The following DMD variants were observed in gnomAD, a reference collection of about 807,000 sequenced individuals.
DMD encodes mutant dystrophin.
A neutral mutation model predicts 330.1 loss-of-function variants in DMD; 63 were observed. The observed-to-expected ratio is 0.19, with a 90% CI of 0.16 to 0.24. The LOEUF (loss-of-function observed/expected upper bound fraction) is 0.24, where lower values mean the gene tolerates loss of function less well. Among genes scored for constraint, DMD ranks in the 10% least tolerant of loss-of-function variants. DMD has a pLI of 1.00. For missense variants in DMD, 3,344 were observed against 2,684.1 expected (o/e 1.25, Z -5.43); for synonymous variants, 1,223 against 959.8 (o/e 1.27, Z -5.07).
intron 18 of DMD, among the ~76,000 whole-genome samples, chrX:32,513,444 T>G (rs2148772905): frequency 8.9e-6 from 1 of 112,238 alleles, no homozygotes; most frequent in African/African-American, 3.2e-5. Context: ...GCCATGATAT[T>G]AGCTTTAATC....
chrX:31,214,930 C>CTTTTTTT lies in DMD; in HGVS notation c.9362-5232_9362-5231insAAAAAAA, dbSNP rs1302015325. On this transcript the variant is annotated intron_variant, in intron 64 of 78. Coordinates refer to ENST00000357033, the MANE Select transcript of DMD (RefSeq NM_004006.3). ...AACCACCAAAGATACTTTTTTATTT[C>CTTTTTTT]TTTTTTCTTTTTTTTTTTTTTTTTT... Among the ~76,000 whole-genome samples, 179 of 46,003 alleles carry CTTTTTTT rather than the reference C, an allele frequency of 3.9e-3. 1 individual carries two copies. Among genetic ancestry groups the CTTTTTTT allele is most frequent in the Non-Finnish European group, 4.9e-3 (126 of 25,656 alleles). 39.9% of individuals were successfully genotyped at this position (46,003 alleles called of 115,157 possible).
chrX:31,149,731 T>C (rs148844617), intron 74 of DMD, among the ~76,000 whole-genome samples: 3,219 of 111,923 alleles, frequency 0.029, 45 homozygotes, highest in Non-Finnish European at 0.045. Flanking sequence ...TCCTCCTTGG[T>C]ACCACTTTAA....
chrX:31,127,587 T>C (rs1056746326), intron 77 of DMD, among the ~76,000 whole-genome samples: 23 of 111,405 alleles, frequency 2.1e-4, no homozygotes, highest in African/African-American at 4.9e-4. Context: ...CAATCTTATA[T>C]GGAATTCCAA....
chrX:33,080,105 A>T (rs2094905273), intron 1 of DMD, among the ~76,000 whole-genome samples: 1 of 112,414 alleles, frequency 8.9e-6, no homozygotes, highest in African/African-American at 3.2e-5. Flanking sequence ...ATTCTCATAA[A>T]CTTTTTAGAA....
At chrX:31,470,306 G>A (rs962507703) in intron 59 of DMD, among the ~76,000 whole-genome samples, 1 of 111,277 alleles carries the variant, frequency 9.0e-6, no homozygotes, top group Admixed American at 9.6e-5. Context: ...TCATCTTCGT[G>A]GATTTATCTA....
intron 28 of DMD, among the ~76,000 whole-genome samples, chrX:32,439,323 TAA>T (rs893196236): frequency 9.0e-6 from 1 of 111,174 alleles, no homozygotes; most frequent in South Asian, 3.8e-4. Context: ...TTCAAGAAAA[TAA>T]AGAGACTTCC....
intron 9 of DMD, among the ~76,000 whole-genome samples, chrX:32,680,104 G>A (rs1461555795): frequency 9.4e-6 from 1 of 106,512 alleles, no homozygotes; most frequent in African/African-American, 3.4e-5. Context: ...ACTTGAGACG[G>A]GGCTTCACCA....
At chrX:31,790,833 G>T (rs2091534163) in intron 50 of DMD, among the ~76,000 whole-genome samples, 1 of 111,452 alleles carries the variant, frequency 9.0e-6, no homozygotes. Context: ...TATTAAAAAT[G>T]TTACGTCTCT....
intron 52 of DMD, among the ~76,000 whole-genome samples, chrX:31,690,252 A>G (rs1328125027): frequency 8.9e-6 from 1 of 112,263 alleles, no homozygotes; most frequent in African/African-American, 3.2e-5. Context: ...GAATCTACAA[A>G]GAACTCAAAC....
chrX:31,821,272 G>C (rs2092751195), intron 49 of DMD, among the ~76,000 whole-genome samples: 1 of 112,587 alleles, frequency 8.9e-6, no homozygotes, highest in Non-Finnish European at 1.9e-5. Context: ...GGTAGCCCCG[G>C]AGTTCTGGAT....
chrX:31,254,616 C>T (rs761684109), intron 63 of DMD, among the ~76,000 whole-genome samples: 4 of 111,823 alleles, frequency 3.6e-5, no homozygotes, highest in South Asian at 3.8e-4. Flanking sequence ...CTGCTCGCCT[C>T]GGCCTCCAAA....
At chrX:33,056,028 C>T (rs1174311112) in intron 1 of DMD, among the ~76,000 whole-genome samples, 1 of 109,440 alleles carries the variant, frequency 9.1e-6, no homozygotes, top group African/African-American at 3.3e-5. Flanking sequence ...CCGCACAGCC[C>T]GAGAATTTAC....
intron 43 of DMD, among the ~76,000 whole-genome samples, chrX:32,230,524 C>T (rs962211126): frequency 8.9e-6 from 1 of 112,128 alleles, no homozygotes; most frequent in Non-Finnish European, 1.9e-5. Context: ...GGATTACAGG[C>T]GTGAGCCACC....
chrX:33,039,769 T>G (rs1569551083), intron 1 of DMD, among the ~76,000 whole-genome samples: 1 of 111,593 alleles, frequency 9.0e-6, no homozygotes, highest in Non-Finnish European at 1.9e-5. Flanking sequence ...GTAAAATACT[T>G]ACGCTTTCCA....
At chrX:31,379,329 C>G (rs2060041196) in intron 60 of DMD, among the ~76,000 whole-genome samples, 1 of 110,825 alleles carries the variant, frequency 9.0e-6, no homozygotes, top group Non-Finnish European at 1.9e-5. Context: ...AAAAAGGTGG[C>G]TGGAGCTAAA....
At chrX:31,194,683 C>T (rs973972626) in intron 67 of DMD, among the ~76,000 whole-genome samples, 1 of 111,906 alleles carries the variant, frequency 8.9e-6, no homozygotes, top group Non-Finnish European at 1.9e-5. Context: ...CAAAATAAAA[C>T]GTTGGTTGGA....
chrX:32,723,728 T>C (rs1402301411), intron 7 of DMD, among the ~76,000 whole-genome samples: 1 of 111,112 alleles, frequency 9.0e-6, no homozygotes, highest in Non-Finnish European at 1.9e-5. Context: ...AATTCAGTAA[T>C]CATTTCATTA....
chrX:33,194,856 T>C (rs754909131), intron 1 of DMD, among the ~76,000 whole-genome samples: 11 of 111,794 alleles, frequency 9.8e-5, no homozygotes, highest in Admixed American at 1.9e-4. Context: ...AATAATATGT[T>C]AACGTAATAT....
chrX:32,029,999 C>T lies in DMD; in HGVS notation c.6439-61485G>A, dbSNP rs752549136. The stretch of plus-strand genomic sequence containing the variant: ...AAAATGCCAGGAAGAAATCACTCGA[C>T]GATAAATCCACGTCTCAGAATTTGC... On this transcript the variant is annotated intron_variant, in intron 44 of 78. Transcript: ENST00000357033. 5.4e-5 allele frequency among the ~76,000 whole-genome samples: 6 copies of T among 111,700 alleles called. No homozygotes were observed. In the East Asian group the frequency reaches 8.5e-4, roughly 16 times the overall value.
Sources: allele counts gnomAD v4.1 joint callset (sites outside exome capture counted in the v4.1 genomes callset), GRCh38; gene constraint gnomAD v4.1.1; transcripts MANE v1.5; gene names NCBI Gene and HGNC (gene_info 2026-07-23, HGNC 2026-07-21).